LASP1: variants seen among roughly 807,000 people sequenced by gnomAD.
The protein encoded by LASP1 is LIM and SH3 protein 1, also known as LIM and SH3 domain protein 1.
A neutral mutation model predicts 38.6 loss-of-function variants in LASP1; 10 were observed. The observed-to-expected ratio is 0.26, with a 90% CI of 0.16 to 0.44. LASP1 has a LOEUF of 0.44. LASP1 is among the 20% of genes least tolerant of loss of function. LASP1 has a pLI of 1.00. For synonymous variants in LASP1, 132 were observed against 140.8 expected (o/e 0.94, Z 0.44); for missense variants, 243 against 375.7 (o/e 0.65, Z 2.92).
chr17:38,889,213 C>T (rs1289893836), intron 2 of LASP1, among the ~76,000 whole-genome samples: 1 of 152,212 alleles, frequency 6.6e-6, no homozygotes, highest in Non-Finnish European at 1.5e-5. Context: ...TCAGTGCAAC[C>T]TCTGCCTCCT....
intron 2 of LASP1, among the ~76,000 whole-genome samples, chr17:38,884,362 G>A (rs908892194): frequency 2.0e-5 from 3 of 149,496 alleles, no homozygotes; most frequent in Non-Finnish European, 3.0e-5. Flanking sequence ...GGCCTCTTCA[G>A]TATCATATCC....
chr17:38,905,477 G>A (rs913301664), intron 4 of LASP1, among the ~76,000 whole-genome samples: 5 of 145,096 alleles, frequency 3.4e-5, no homozygotes, highest in Admixed American at 1.4e-4. Flanking sequence ...GATGCAGTGA[G>A]TTGAGATCGC....
intron 4 of LASP1, among the ~76,000 whole-genome samples, chr17:38,912,239 G>A (rs1464498251): frequency 6.6e-6 from 1 of 152,262 alleles, no homozygotes; most frequent in Non-Finnish European, 1.5e-5. Context: ...GCCGGTTCTG[G>A]GCTGGCCCAG....
chr17:38,914,863 C>A, intron 5 of LASP1, 180 bp from the exon 6 acceptor site: 1 of 628,350 alleles, frequency 1.6e-6, no homozygotes, highest in Non-Finnish European at 2.8e-6. Flanking sequence ...GGGCTCAGAG[C>A]CCCTGCGTGG....
At chr17:38,915,011 G>T in intron 5 of LASP1, 32 bp from the exon 6 acceptor site, 1 of 1,606,750 alleles carries the variant, frequency 6.2e-7, no homozygotes, top group Non-Finnish European at 8.5e-7. Flanking sequence ...TGGCAGGACA[G>T]TTTCCAAGCC....
chr17:38,883,592 A>C (rs1015218413), intron 2 of LASP1, among the ~76,000 whole-genome samples: 1 of 152,082 alleles, frequency 6.6e-6, no homozygotes, highest in African/African-American at 2.4e-5. Context: ...CTTACCCCCA[A>C]ATCCCTGTCC....
chr17:38,902,865 G>T (rs1914682477), intron 4 of LASP1, among the ~76,000 whole-genome samples: 1 of 152,030 alleles, frequency 6.6e-6, no homozygotes. Flanking sequence ...ACCACGCCTG[G>T]CTAATTTTTG....
At chr17:38,900,699 C>T (rs1217777325) in intron 4 of LASP1, among the ~76,000 whole-genome samples, 3 of 152,264 alleles carry the variant, frequency 2.0e-5, no homozygotes, top group African/African-American at 7.2e-5. Context: ...ATGCTGGTTG[C>T]AGACTTACTG....
intron 2 of LASP1, among the ~76,000 whole-genome samples, chr17:38,890,031 C>T (rs1478299527): frequency 6.6e-6 from 1 of 152,262 alleles, no homozygotes; most frequent in African/African-American, 2.4e-5. Flanking sequence ...TTAGTCCTGA[C>T]TCACCTGTGC....
At chr17:38,886,117 T>C (rs113708186) in intron 2 of LASP1, among the ~76,000 whole-genome samples, 1 of 151,308 alleles carries the variant, frequency 6.6e-6, no homozygotes, top group African/African-American at 2.4e-5. Flanking sequence ...TCTCACTCGC[T>C]CTCTCACTCT....
chr17:38,894,162 A>G (rs1221380774), intron 3 of LASP1, among the ~76,000 whole-genome samples: 1 of 151,496 alleles, frequency 6.6e-6, no homozygotes, highest in Non-Finnish European at 1.5e-5. Flanking sequence ...CCCCCTTCTC[A>G]CTTGCTGCTC....
At chr17:38,898,971 C>T (rs2143790963) in intron 4 of LASP1, 1 of 355,286 alleles carries the variant, frequency 2.8e-6, no homozygotes, top group South Asian at 2.1e-5. Flanking sequence ...CTCTTCCTTC[C>T]TGTGTAAAAA....
At chr17:38,914,669 G>A (rs1363205210) in intron 5 of LASP1, among the ~76,000 whole-genome samples, 194 bp downstream of exon 5, 1 of 114,222 alleles carries the variant, frequency 8.8e-6, no homozygotes, top group Non-Finnish European at 1.8e-5. Flanking sequence ...GGAAGTCGGC[G>A]AGAGACAGAC....
rs1914573168 is a variant in LASP1 at position 38,899,175 on chromosome 17, C to G, written c.357+656C>G. The stretch of plus-strand genomic sequence containing the variant: ...CTCAGTTTCCTGCTTGGCAGAGCCA[C>G]AGGCAAGCAGCCTGTGTGGCTTTAG... On this transcript the variant is annotated intron_variant, in intron 4 of 6. Coordinates refer to ENST00000318008, the MANE Select transcript of LASP1 (RefSeq NM_006148.4). The G allele has an allele frequency of 3.3e-5, 7 of 211,808 alleles. 1 individual carries two copies. In the South Asian group the frequency reaches 5.0e-4, roughly 15 times the overall value. The allele number at this position is 211,808 out of a possible 1,614,324, so 13.1% of individuals were successfully genotyped here. A position where few individuals can be genotyped will look rare whatever the true frequency, so the allele number is the denominator to read the frequency against.
intron 4 of LASP1, among the ~76,000 whole-genome samples, chr17:38,902,910 C>G (rs1914683930): frequency 1.3e-5 from 2 of 152,216 alleles, no homozygotes; most frequent in Middle Eastern, 3.4e-3. Context: ...GCCATATTGG[C>G]TCGGCTGGTC....
chr17:38,896,239 A>G (rs1598113078), intron 3 of LASP1, among the ~76,000 whole-genome samples: 1 of 148,178 alleles, frequency 6.7e-6, no homozygotes, highest in African/African-American at 2.5e-5. Context: ...TTGATTATCC[A>G]TAGTCAGGGT....
chr17:38,871,049 G>A (rs891931787), intron 1 of LASP1, among the ~76,000 whole-genome samples: 2 of 151,816 alleles, frequency 1.3e-5, no homozygotes, highest in African/African-American at 2.4e-5. Context: ...CCAGGAGACC[G>A]TGTGGAAGAA....
intron 6 of LASP1, chr17:38,916,011 T>TGTG (rs1218026974): frequency 6.6e-6 from 1 of 152,262 alleles, no homozygotes; most frequent in Non-Finnish European, 1.5e-5. Context: ...CCCAGGGCAC[T>TGTG]GTGGGCGCAA....
chr17:38,890,368 G>T (rs1014937170), intron 2 of LASP1, 52 bp from the exon 3 acceptor site: 20 of 1,534,858 alleles, frequency 1.3e-5, no homozygotes, highest in Non-Finnish European at 1.8e-5. Context: ...AAGCCCAGAG[G>T]CTCCTGCCCC....
Sources: gnomAD v4.1 joint callset for allele counts (sites outside exome capture counted in the v4.1 genomes callset) on GRCh38, gnomAD v4.1.1 for gene constraint, MANE v1.5 for transcripts, NCBI Gene and HGNC (gene_info 2026-07-23, HGNC 2026-07-21) for gene names.